The following DNAJA3 variants were observed in gnomAD, a reference collection of about 807,000 sequenced individuals.
DNAJA3 encodes the protein DnaJ heat shock protein family (Hsp40) member A3.
DNAJA3 carries 29 observed loss-of-function variants against 54.9 expected under a neutral mutation model. That is an observed-to-expected ratio of 0.53 (90% CI 0.39 to 0.72). The LOEUF is 0.72. Ranked by LOEUF, DNAJA3 falls within the 30% of genes least tolerant of loss-of-function variation. The pLI is 0.00. For missense variants in DNAJA3, 708 were observed against 639.4 expected (o/e 1.11, Z -1.16); for synonymous variants, 302 against 251.4 (o/e 1.20, Z -1.90).
In DNAJA3 at chr16:4,455,793, C is replaced by T; in HGVS notation, c.*261C>T. On this transcript the variant is annotated 3_prime_UTR_variant, in exon 12 of 12. Transcript: ENST00000262375. ...TTCCTGTCCATTGGTAGGTGACGGC[C>T]CCTGGCTCAGGCAGAGGGAGATGGT... The T allele has an allele frequency of 1.7e-6, 1 of 594,626 alleles. No homozygotes were observed. Among genetic ancestry groups the T allele is most frequent in the Non-Finnish European group, 3.0e-6 (1 of 332,966 alleles). The allele number at this position is 594,626 out of a possible 1,614,324, so 36.8% of individuals were successfully genotyped here. A position where few individuals can be genotyped will look rare whatever the true frequency, so the allele number is the denominator to read the frequency against.
At chr16:4,432,041 C>T (rs1405101688) in intron 1 of DNAJA3, among the ~76,000 whole-genome samples, 1 of 151,824 alleles carries the variant, frequency 6.6e-6, no homozygotes, top group East Asian at 1.9e-4. Context: ...CCACTACCAC[C>T]ACTGCCATCT....
chr16:4,427,461 T>C (rs2141365360), intron 1 of DNAJA3: 1 of 152,282 alleles, frequency 6.6e-6, no homozygotes, highest in Middle Eastern at 3.4e-3. Flanking sequence ...CTTCATGCAA[T>C]GTAAAGAAAA....
At chr16:4,447,373 CT>C in intron 8 of DNAJA3, 2 of 201,790 alleles carry the variant, frequency 9.9e-6, no homozygotes, top group South Asian at 9.9e-5. Context: ...GTGCATATCC[CT>C]TTTGCCACAG....
chr16:4,439,355 C>CAA (rs537238066), intron 3 of DNAJA3, among the ~76,000 whole-genome samples: 23 of 100,512 alleles, frequency 2.3e-4, no homozygotes, highest in African/African-American at 7.8e-4. Flanking sequence ...GACTCCCAAT[C>CAA]AAAAAAAAAA....
At chr16:4,447,179 C>A in intron 8 of DNAJA3, 165 bp downstream of exon 8, 1 of 740,626 alleles carries the variant, frequency 1.4e-6, no homozygotes, top group Non-Finnish European at 2.1e-6. Context: ...GAGTGTGGAC[C>A]ACAAGCCACA....
chr16:4,454,463 A>G (rs2057012671), intron 10 of DNAJA3, among the ~76,000 whole-genome samples: 1 of 152,102 alleles, frequency 6.6e-6, no homozygotes, highest in African/African-American at 2.4e-5. Context: ...AAGGAAGTGT[A>G]TGGCCTGGCC....
At chr16:4,429,826 CTG>C (rs1265113032) in intron 1 of DNAJA3, among the ~76,000 whole-genome samples, 1 of 150,892 alleles carries the variant, frequency 6.6e-6, no homozygotes, top group Non-Finnish European at 1.5e-5. Context: ...AAGAGCGAAA[CTG>C]TGTCTCAAAA....
intron 5 of DNAJA3, 136 bp downstream of exon 5, chr16:4,442,556 G>A (rs1050260737): frequency 3.6e-5 from 39 of 1,089,262 alleles, no homozygotes; most frequent in East Asian, 2.3e-4. Flanking sequence ...TCTTTCCCCC[G>A]TGACCCTGAG....
Position 4,446,974 on chromosome 16 carries a change from C to G in DNAJA3, c.1085C>G (p.Thr362Arg). ...ISIAQALLGGTARAQGLYETI... is the reference protein window; with the variant it reads ...ISIAQALLGGRARAQGLYETI... ...ATAGCTCAGGCTCTTCTTGGGGGTA[C>G]AGCCAGAGCCCAGGGCCTGTACGAG... The change falls in exon 8 of 12, where the codon ACA becomes AGA. Residue 362 changes from threonine (T) to arginine (R), a missense_variant. By Grantham distance (71) the Thr-to-Arg change is moderately conservative (BLOSUM62 -1). Coordinates refer to ENST00000262375, the MANE Select transcript of DNAJA3 (RefSeq NM_005147.6). The G allele has an allele frequency of 6.2e-7, 1 of 1,614,154 alleles. No homozygotes were observed. Among genetic ancestry groups the G allele is most frequent in the Middle Eastern group, 1.7e-4 (1 of 6,040 alleles).
chr16:4,436,527 T>G (rs2056774051), intron 2 of DNAJA3, among the ~76,000 whole-genome samples: 1 of 152,208 alleles, frequency 6.6e-6, no homozygotes, highest in Non-Finnish European at 1.5e-5. Context: ...GTCATTTTCT[T>G]CCCTTTTTAA....
chr16:4,446,905 TC>T lies in DNAJA3; in HGVS notation c.1018del (p.Arg340GlyfsTer15). 1 of 1,614,116 alleles carries T rather than the reference TC, an allele frequency of 6.2e-7. No individual in the cohort carries two copies. Among genetic ancestry groups the T allele is most frequent in the East Asian group, 2.2e-5 (1 of 44,886 alleles). On this transcript the variant is annotated frameshift_variant, in exon 8 of 12. Transcript: ENST00000262375. LOFTEE classifies it high-confidence loss of function. ...CCTTAGGTGCAGAAAAGCCCTGTGT[TC>T]CGGAGGGACGGCGCAGACATCCACT... is the stretch of plus-strand genomic sequence containing the variant. ...ITFRVQKSPV[F>X]RRDGADIHSD...
At chr16:4,436,570 G>A (rs2056774694) in intron 2 of DNAJA3, among the ~76,000 whole-genome samples, 3 of 152,002 alleles carry the variant, frequency 2.0e-5, no homozygotes, top group Middle Eastern at 3.2e-3. Context: ...GAGTCTCGCC[G>A]TGTGGCTCAG....
rs771239871 is a variant in DNAJA3 at position 4,442,409 on chromosome 16, G to A, written c.772G>A (p.Gly258Ser). The A allele has an allele frequency of 1.6e-5, 25 of 1,599,396 alleles. No homozygotes were observed. The highest frequency in any genetic ancestry group is 4.5e-5 in the East Asian group (2 of 44,098). Residue 258 changes from glycine to serine, a missense_variant, in exon 5 of 12, where the codon GGC becomes AGC. By Grantham distance (56) the Gly-to-Ser change is moderately conservative. Coordinates refer to ENST00000262375, the MANE Select transcript of DNAJA3 (RefSeq NM_005147.6). ...TKVQHCHYCG[G>S]SGMETINTGP... ...GGTGCAGCATTGCCACTACTGTGGC[G>A]GCTCCGGCATGGTAAGGCTCTGCCC... is the stretch of plus-strand genomic sequence containing the variant.
intron 6 of DNAJA3, among the ~76,000 whole-genome samples, chr16:4,444,016 C>A (rs1370709993): frequency 6.6e-6 from 1 of 152,130 alleles, no homozygotes; most frequent in Non-Finnish European, 1.5e-5. Flanking sequence ...GTCTGTTTCT[C>A]TAGAGTTGTG....
intron 10 of DNAJA3, among the ~76,000 whole-genome samples, chr16:4,453,698 C>T (rs892671175): frequency 7.2e-5 from 11 of 152,026 alleles, no homozygotes; most frequent in African/African-American, 1.4e-4. Flanking sequence ...TCCCAAAGTG[C>T]GGGGATTACA....
chr16:4,443,876 C>T (rs982933873), intron 6 of DNAJA3, among the ~76,000 whole-genome samples: 2 of 152,148 alleles, frequency 1.3e-5, no homozygotes, highest in Non-Finnish European at 2.9e-5. Context: ...TTAGTAGAGA[C>T]GGGGTTTCAT....
chr16:4,450,976 C>T (rs375683049), intron 10 of DNAJA3, among the ~76,000 whole-genome samples: 4 of 152,202 alleles, frequency 2.6e-5, no homozygotes, highest in Admixed American at 6.5e-5. Flanking sequence ...AGACTCCGTC[C>T]GCCGCTTTAG....
At chr16:4,430,225 A>G (rs1196450969) in intron 1 of DNAJA3, among the ~76,000 whole-genome samples, 1 of 151,866 alleles carries the variant, frequency 6.6e-6, no homozygotes, top group Non-Finnish European at 1.5e-5. Context: ...TAGTAGTAAG[A>G]TGACATAACA....
rs920718524 is a variant in DNAJA3 at position 4,450,514 on chromosome 16, C to T, written c.1339+17C>T. ...CCAGCTCTGGTAAGGAGTCTGAAGA[C>T]TACATGGTGACACGTGGGGGCCTCA... On this transcript the variant is annotated intron_variant, in intron 10 of 11. Transcript: ENST00000262375. 2 of 1,587,768 alleles carry T rather than the reference C, an allele frequency of 1.3e-6. No individual in the cohort carries two copies. Among genetic ancestry groups the T allele is most frequent in the African/African-American group, 2.7e-5 (2 of 74,472 alleles).
Sources: allele counts gnomAD v4.1 joint callset (sites outside exome capture counted in the v4.1 genomes callset), GRCh38; gene constraint gnomAD v4.1.1; transcripts MANE v1.5; gene names NCBI Gene and HGNC (gene_info 2026-07-23, HGNC 2026-07-21).